Variants in EIF4A2 observed in about 807,000 individuals in gnomAD.
EIF4A2 encodes eukaryotic initiation factor 4A-II.
In EIF4A2, 9 loss-of-function variants were observed where a neutral mutation model predicts 50.6. That is an observed-to-expected ratio of 0.18 (90% confidence interval 0.11 to 0.31). The LOEUF is 0.31. Among genes scored for constraint, EIF4A2 ranks in the 10% least tolerant of loss-of-function variants. The pLI, the probability that EIF4A2 is intolerant of heterozygous loss-of-function variation, is 1.00. For missense variants in EIF4A2, 182 were observed against 501.8 expected (o/e 0.36, Z 6.09); for synonymous variants, 215 against 164.4 (o/e 1.31, Z -2.35).
At position 186,788,113 on chromosome 3, in the gene EIF4A2, A is replaced by AC. The variant is rs1721867157; in HGVS notation, c.1079+233dup. The AC allele has an allele frequency of 7.5e-6, 5 of 663,520 alleles. No homozygotes were observed. In the East Asian group the frequency reaches 1.5e-4, roughly 20 times the overall value. The allele number at this position is 663,520 out of a possible 1,614,324, so 41.1% of individuals were successfully genotyped here. On this transcript the variant is annotated intron_variant, in intron 10 of 10. Transcript: ENST00000323963. ...GTTTTTTTCCACAATTGTTGGTCTT[A>AC]CCTTATGCTTGAGCTTTTAGTGATG...
At chr3:186,787,758 C>A in intron 9 of EIF4A2, 45 bp from the exon 10 acceptor site, 1 of 1,613,148 alleles carries the variant, frequency 6.2e-7, no homozygotes, top group South Asian at 1.1e-5. Context: ...TGACAGGTGT[C>A]AAGTTTTTTT....
In EIF4A2 at chr3:186,789,782, C is replaced by G. The variant is rs946887794; in HGVS notation, c.*513C>G. 8.8e-6 allele frequency: 5 copies of G among 567,420 alleles called. No individual in the cohort carries two copies. Among genetic ancestry groups the G allele is most frequent in the Middle Eastern group, 4.6e-4 (1 of 2,166 alleles). The allele number at this position is 567,420 out of a possible 1,614,324, so 35.1% of individuals were successfully genotyped here. ...ATTAGTGCTAAGTGTGAACTGGACC[C>G]TGTTGCTAAGCCCCAGCAAGCAATC... On this transcript the variant is annotated 3_prime_UTR_variant, in exon 11 of 11. Coordinates refer to ENST00000323963, the MANE Select transcript of EIF4A2 (RefSeq NM_001967.4).
At chr3:186,787,979 G>C (rs138133184) in intron 10 of EIF4A2, 97 bp downstream of exon 10, 2 of 1,274,674 alleles carry the variant, frequency 1.6e-6, no homozygotes, top group East Asian at 4.9e-5. Context: ...AATAGATTCA[G>C]TAAAGTCAGT....
Position 186,789,833 on chromosome 3 carries a change from AAT to A in EIF4A2, c.*565_*566del. On this transcript the variant is annotated 3_prime_UTR_variant, in exon 11 of 11. Coordinates refer to ENST00000323963, the MANE Select transcript of EIF4A2 (RefSeq NM_001967.4). ...CTAGGTAGGGTTTAATCCCCAGTAA[AAT>A]TGCCATATTGCACATGTCTTAATGA... The A allele has an allele frequency of 1.5e-6, 1 of 657,898 alleles. No individual in the cohort carries two copies. The highest frequency in any genetic ancestry group is 1.9e-5 in the South Asian group (1 of 51,440). The allele number at this position is 657,898 out of a possible 1,614,324, so 40.8% of individuals were successfully genotyped here.
rs776167777 is a variant in EIF4A2 at position 186,784,661 on chromosome 3, C to T, written c.173C>T (p.Ala58Val). The stretch of plus-strand genomic sequence containing the variant: ...GCTTACGGTTTTGAGAAGCCTTCCG[C>T]TATTCAGCAGAGAGCTATTATTCCC... ...IYAYGFEKPS[A>V]IQQRAIIPCI... The change falls in exon 3 of 11, where the codon GCT (alanine) becomes GTT (valine). Residue 58 changes from alanine (A) to valine (V), a missense_variant. Physicochemically the swap from Ala to Val is moderately conservative, Grantham distance 64 (BLOSUM62 0). This residue lies in a region of EIF4A2 where 113 missense variants were observed against 357.3 expected (regional missense o/e 0.32). Transcript: ENST00000323963. 6.2e-7 allele frequency: 1 copy of T among 1,614,212 alleles called. No homozygotes were observed. Among genetic ancestry groups the T allele is most frequent in the Non-Finnish European group, 8.5e-7 (1 of 1,180,044 alleles).
chr3:186,784,429 C>A lies in EIF4A2; in HGVS notation c.30-3C>A. On this transcript the variant is annotated splice_polypyrimidine_tract_variant and splice_region_variant and intron_variant, in intron 1 of 10. Coordinates refer to ENST00000323963, the MANE Select transcript of EIF4A2 (RefSeq NM_001967.4). ...TGTCTGACTGCAGTATTCTTGTCAG[C>A]AGAGAACATGGCGGCCCAGAGGGAA... 6.2e-7 allele frequency: 1 copy of A among 1,614,158 alleles called. No individual in the cohort carries two copies. Among genetic ancestry groups the A allele is most frequent in the Non-Finnish European group, 8.5e-7 (1 of 1,180,026 alleles).
rs753529473 is a variant in EIF4A2, at chr3:186,789,370, C to A, written c.*101C>A. On this transcript the variant is annotated 3_prime_UTR_variant, in exon 11 of 11. Coordinates refer to ENST00000323963, the MANE Select transcript of EIF4A2 (RefSeq NM_001967.4). ...CTTTGGGAATATTTGAATCTTGTCT[C>A]AATGCTCATAACGGATCAGAAATAC... The A allele has an allele frequency of 1.3e-5, 19 of 1,474,406 alleles. No individual in the cohort carries two copies. The East Asian group carries it at 4.4e-4, about 34-fold the overall frequency. 91.3% of individuals were successfully genotyped at this position (1,474,406 alleles called of 1,614,324 possible).
intron 7 of EIF4A2, 112 bp from the exon 8 acceptor site, chr3:186,787,014 TC>T: frequency 6.9e-7 from 1 of 1,455,180 alleles, no homozygotes; most frequent in South Asian, 1.3e-5. Context: ...AGTGCTAGGA[TC>T]CCAAAGGGCT....
At chr3:186,788,041 A>AAC in intron 10 of EIF4A2, 159 bp downstream of exon 10, 1 of 850,024 alleles carries the variant, frequency 1.2e-6, no homozygotes, top group Non-Finnish European at 1.8e-6. Context: ...GGTTGATGAG[A>AAC]ACAAAGTGGG....
rs753863545 is a variant in EIF4A2, at chr3:186,787,671, A to G, written c.999+87A>G. 3.1e-6 allele frequency: 5 copies of G among 1,593,192 alleles called. No homozygotes were observed. In the South Asian group the frequency reaches 4.4e-5, roughly 14 times the overall value. On this transcript the variant is annotated intron_variant, in intron 9 of 10. Coordinates refer to ENST00000323963, the MANE Select transcript of EIF4A2 (RefSeq NM_001967.4). ...TAAGTAACCTTTGCCAACTTGGGCT[A>G]TTTGGAAGAGTAAAAGACCACACTC... is the stretch of plus-strand genomic sequence containing the variant.
chr3:186,789,339 T>C lies in EIF4A2; in HGVS notation c.*70T>C, dbSNP rs1170223927. ...TAGGCGATCACAACGTGCATTGTGC[T>C]TCTTTCTTTGGGAATATTTGAATCT... On this transcript the variant is annotated 3_prime_UTR_variant, in exon 11 of 11. Transcript: ENST00000323963. The C allele has an allele frequency of 5.3e-6, 8 of 1,522,186 alleles. No individual in the cohort carries two copies. The highest frequency in any genetic ancestry group is 5.3e-6 in the Non-Finnish European group (6 of 1,134,118). The allele number at this position is 1,522,186 out of a possible 1,614,324, so 94.3% of individuals were successfully genotyped here.
At chr3:186,787,905 G>A (rs775543071) in intron 10 of EIF4A2, 23 bp downstream of exon 10, 5 of 1,610,184 alleles carry the variant, frequency 3.1e-6, no homozygotes, top group East Asian at 4.5e-5. Flanking sequence ...CATCTTGGCT[G>A]TATTGAAAAA....
chr3:186,788,779 G>A (rs1721941856), intron 10 of EIF4A2: 1 of 248,912 alleles, frequency 4.0e-6, no homozygotes, highest in African/African-American at 2.3e-5. Flanking sequence ...TTTATTCCTG[G>A]TGTTCACATC....
chr3:186,784,873 G>C, intron 3 of EIF4A2, 89 bp from the exon 4 acceptor site: 5 of 1,607,848 alleles, frequency 3.1e-6, no homozygotes, highest in Non-Finnish European at 4.3e-6. Context: ...TTGATTATTT[G>C]GGCATAATGT....
chr3:186,788,993 A>T, intron 10 of EIF4A2, 132 bp from the exon 11 acceptor site: 2 of 1,274,014 alleles, frequency 1.6e-6, no homozygotes, highest in Non-Finnish European at 2.1e-6. Context: ...ATTAGCAGCT[A>T]GTGCTCCAGT....
chr3:186,787,897 T>C lies in EIF4A2; in HGVS notation c.1079+15T>C, dbSNP rs1451106001. 1.2e-6 allele frequency: 2 copies of C among 1,612,766 alleles called. No individual in the cohort carries two copies. The highest frequency in any genetic ancestry group is 1.7e-6 in the Non-Finnish European group (2 of 1,179,712). On this transcript the variant is annotated intron_variant, in intron 10 of 10. Coordinates refer to ENST00000323963, the MANE Select transcript of EIF4A2 (RefSeq NM_001967.4). ...TATATTCACAGGTGAGAAGCCAGCA[T>C]CTTGGCTGTATTGAAAAAAATTCAT...
intron 7 of EIF4A2, 158 bp downstream of exon 7, chr3:186,786,803 C>G (rs909782373): frequency 9.5e-7 from 1 of 1,048,174 alleles, no homozygotes; most frequent in African/African-American, 1.6e-5. Flanking sequence ...TGGGGTGGAC[C>G]TCTTTCTTAA....
Position 186,786,664 on chromosome 3 carries a change from G to T in EIF4A2, c.771+19G>T. On this transcript the variant is annotated intron_variant, in intron 7 of 10. Coordinates refer to ENST00000323963, the MANE Select transcript of EIF4A2 (RefSeq NM_001967.4). ...GAGAGAGGTAACTGTCTGATTGTTA[G>T]ACATTATTTTACCTTCTTGTATAAG... is the stretch of plus-strand genomic sequence containing the variant. The T allele has an allele frequency of 6.2e-7, 1 of 1,613,136 alleles. No individual in the cohort carries two copies. The highest frequency in any genetic ancestry group is 1.1e-5 in the South Asian group (1 of 90,976).
rs1722003126 is a variant in EIF4A2, at chr3:186,789,718, CAT to C, written c.*450_*451del. 1 of 392,542 alleles carries C rather than the reference CAT, an allele frequency of 2.5e-6. No homozygotes were observed. Among genetic ancestry groups the C allele is most frequent in the African/African-American group, 2.1e-5 (1 of 48,220 alleles). The allele number at this position is 392,542 out of a possible 1,614,324, so 24.3% of individuals were successfully genotyped here. ...AATTTTTTTAGAAAGCATTTGAATG[CAT>C]TTTGTTTGGTATTGTATTTATTCAA... is the stretch of plus-strand genomic sequence containing the variant. On this transcript the variant is annotated 3_prime_UTR_variant, in exon 11 of 11. Coordinates refer to ENST00000323963, the MANE Select transcript of EIF4A2 (RefSeq NM_001967.4).
Sources: allele counts gnomAD v4.1 joint callset, GRCh38; gene constraint gnomAD v4.1.1; regional missense constraint gnomAD v4.1.1; transcripts MANE v1.5; gene names NCBI Gene and HGNC (gene_info 2026-07-23, HGNC 2026-07-21).